The following LIMS1 variants were observed in gnomAD, a reference collection of about 807,000 sequenced individuals.
The protein encoded by LIMS1 is LIM and senescent cell antigen-like-containing domain protein 1.
In LIMS1, 18 loss-of-function variants were observed where a neutral mutation model predicts 44.1. That is an observed-to-expected ratio of 0.41 (90% CI 0.28 to 0.61). The LOEUF is 0.61. LIMS1 is among the 20% of genes least tolerant of loss of function. LIMS1 has a pLI of 0.32. For synonymous variants in LIMS1, 93 were observed against 149.1 expected (o/e 0.62, Z 2.74); for missense variants, 201 against 422.0 (o/e 0.48, Z 4.59).
chr2:108,676,307 A>G (rs1174209186), intron 6 of LIMS1, among the ~76,000 whole-genome samples: 5 of 152,232 alleles, frequency 3.3e-5, no homozygotes, highest in Non-Finnish European at 7.3e-5. Context: ...GCCTTCTTGA[A>G]GCAGGAAGTG....
At chr2:108,559,102 T>C (rs1249116080) in intron 1 of LIMS1, among the ~76,000 whole-genome samples, 1 of 152,214 alleles carries the variant, frequency 6.6e-6, no homozygotes, top group African/African-American at 2.4e-5. Context: ...CACACTAATA[T>C]CACTTCCACG....
At position 108,621,301 on chromosome 2, in the gene LIMS1, C is replaced by G. The variant is rs1452109981; in HGVS notation, c.33-38304C>G. The G allele has an allele frequency of 5.2e-6, 8 of 1,544,934 alleles. No homozygotes were observed. In the Admixed American group the frequency reaches 1.6e-4, roughly 30 times the overall value. ...GGACGCTGCTTTCCCCTGGCAGCCA[C>G]ACTGCTGAGCATAAATGCTTTAAAG... On this transcript the variant is annotated intron_variant, in intron 1 of 9. Coordinates refer to ENST00000544547, the Ensembl canonical transcript of LIMS1.
intron 1 of LIMS1, among the ~76,000 whole-genome samples, chr2:108,604,122 T>G (rs964665388): frequency 5.3e-5 from 8 of 152,208 alleles, no homozygotes; most frequent in African/African-American, 1.9e-4. Context: ...TTCCTTTCCA[T>G]GTATTTATAT....
At chr2:108,555,312 G>A (rs1684889679) in intron 1 of LIMS1, among the ~76,000 whole-genome samples, 1 of 152,158 alleles carries the variant, frequency 6.6e-6, no homozygotes, top group South Asian at 2.1e-4. Flanking sequence ...ACCTTGAGGG[G>A]ATCAGTCTTG....
chr2:108,630,985 G>C (rs1688887595), intron 1 of LIMS1, among the ~76,000 whole-genome samples: 1 of 152,204 alleles, frequency 6.6e-6, no homozygotes, highest in Non-Finnish European at 1.5e-5. Context: ...TCAAGTTACT[G>C]CTTTTACATC....
At chr2:108,609,438 C>A (rs746534327) in intron 1 of LIMS1, among the ~76,000 whole-genome samples, 3 of 152,142 alleles carry the variant, frequency 2.0e-5, no homozygotes, top group Non-Finnish European at 2.9e-5. Flanking sequence ...TCTCACTCTT[C>A]AAAAGCTGAC....
intron 1 of LIMS1, among the ~76,000 whole-genome samples, chr2:108,641,634 T>TA (rs1258861349): frequency 6.6e-6 from 1 of 152,236 alleles, no homozygotes; most frequent in Non-Finnish European, 1.5e-5. Context: ...TACAAACATG[T>TA]AAAAAATGTG....
intron 1 of LIMS1, among the ~76,000 whole-genome samples, chr2:108,609,769 T>G (rs962708923): frequency 6.6e-6 from 1 of 152,194 alleles, no homozygotes; most frequent in Non-Finnish European, 1.5e-5. Context: ...TGCACACATA[T>G]ACAGCAGTGT....
intron 5 of LIMS1, chr2:108,673,814 C>T (rs1190644631): frequency 6.6e-6 from 1 of 151,972 alleles, no homozygotes; most frequent in Non-Finnish European, 1.5e-5. Flanking sequence ...TTTTTCCAAT[C>T]GAAGATCTAA....
At chr2:108,552,850 T>C (rs1684806288) in intron 1 of LIMS1, among the ~76,000 whole-genome samples, 1 of 152,054 alleles carries the variant, frequency 6.6e-6, no homozygotes, top group Admixed American at 6.6e-5. Context: ...AGTGCTGGAA[T>C]TACAGACATG....
chr2:108,684,206 C>A, exon 10 of LIMS1: 1 of 297,948 alleles, frequency 3.4e-6, no homozygotes, highest in Non-Finnish European at 6.3e-6. Flanking sequence ...TTTGTTAACC[C>A]TTATCCATTT....
intron 1 of LIMS1, among the ~76,000 whole-genome samples, chr2:108,656,496 G>A (rs1460791470): frequency 1.3e-5 from 2 of 152,122 alleles, no homozygotes; most frequent in African/African-American, 2.4e-5. Flanking sequence ...GTCATCTGTA[G>A]TATTAAATAT....
chr2:108,594,509 C>T (rs894579218), intron 1 of LIMS1, among the ~76,000 whole-genome samples: 1 of 152,014 alleles, frequency 6.6e-6, no homozygotes, highest in Non-Finnish European at 1.5e-5. Flanking sequence ...AGTTGGCTGG[C>T]CGACAGGAGA....
intron 9 of LIMS1, chr2:108,681,601 G>C: frequency 2.1e-6 from 2 of 964,800 alleles, no homozygotes; most frequent in Non-Finnish European, 2.5e-6. Context: ...TTTTAAAAAT[G>C]CATATATTCT....
intron 1 of LIMS1, among the ~76,000 whole-genome samples, chr2:108,546,881 A>G (rs1684500322): frequency 1.3e-5 from 2 of 152,150 alleles, no homozygotes; most frequent in South Asian, 4.1e-4. Context: ...AGTTTCCTTA[A>G]TGATGCTTGT....
chr2:108,612,201 A>G (rs1210784413), intron 1 of LIMS1, among the ~76,000 whole-genome samples: 1 of 151,782 alleles, frequency 6.6e-6, no homozygotes. Context: ...GTGTTTTAGA[A>G]TTAGAATCAC....
intron 1 of LIMS1, among the ~76,000 whole-genome samples, chr2:108,560,477 CG>C (rs991607687): frequency 6.6e-6 from 1 of 151,966 alleles, no homozygotes; most frequent in African/African-American, 2.4e-5. Flanking sequence ...AACTCACCAG[CG>C]GGGCTTCCAT....
chr2:108,626,708 C>T (rs1688596202), intron 1 of LIMS1, among the ~76,000 whole-genome samples: 1 of 152,168 alleles, frequency 6.6e-6, no homozygotes, highest in South Asian at 2.1e-4. Flanking sequence ...TCTTTACACT[C>T]TACTTTTTAA....
At chr2:108,663,973 C>T (rs1691568425) in intron 2 of LIMS1, among the ~76,000 whole-genome samples, 1 of 152,074 alleles carries the variant, frequency 6.6e-6, no homozygotes, top group Non-Finnish European at 1.5e-5. Context: ...AGGCTGGTCT[C>T]AAACTCCCGA....
Sources: gnomAD v4.1 joint callset for allele counts (sites outside exome capture counted in the v4.1 genomes callset) on GRCh38, gnomAD v4.1.1 for gene constraint, MANE v1.5 for transcripts, NCBI Gene and HGNC (gene_info 2026-07-23, HGNC 2026-07-21) for gene names.